FOXN3: variants seen among roughly 807,000 people sequenced by gnomAD.
FOXN3 encodes the protein forkhead box protein N3.
Under a neutral mutation model 38.4 loss-of-function variants are expected in FOXN3, and 7 were observed. The ratio of observed to expected loss-of-function variants is 0.18; its 90% CI spans 0.10 to 0.34. The LOEUF (loss-of-function observed/expected upper bound fraction) is 0.34. Ranked by LOEUF, FOXN3 falls within the 10% of genes least tolerant of loss-of-function variation. The pLI is 1.00. For synonymous variants in FOXN3, 230 were observed against 242.2 expected, an observed-to-expected ratio of 0.95 and a Z score of 0.47; for missense variants, 456 against 613.4, an observed-to-expected ratio of 0.74 and a Z score of 2.71.
At chr14:89,187,917 C>T (rs911858710) in intron 4 of FOXN3, among the ~76,000 whole-genome samples, 16 of 152,148 alleles carry the variant, frequency 1.1e-4, no homozygotes, top group African/African-American at 3.9e-4. Context: ...CCAGGGCTGG[C>T]GGTCAGATGG....
intron 4 of FOXN3, among the ~76,000 whole-genome samples, chr14:89,239,814 C>T (rs1566936588): frequency 6.6e-6 from 1 of 152,152 alleles, no homozygotes; most frequent in Non-Finnish European, 1.5e-5. Flanking sequence ...TCTTCTATTG[C>T]TCACAACCAC....
rs55935162 is a variant in FOXN3, at chr14:89,528,376, C to CTTTTTTTTTTTTTTTTTTTTTT, written c.-15+90630_-15+90651dup. Among the ~76,000 whole-genome samples the CTTTTTTTTTTTTTTTTTTTTTT allele has an allele frequency of 9.3e-5, 5 of 53,550 alleles. 2 individuals carry two copies. Among genetic ancestry groups the CTTTTTTTTTTTTTTTTTTTTTT allele is most frequent in the Non-Finnish European group, 1.4e-4 (4 of 29,538 alleles). The allele number at this position is 53,550 out of a possible 152,430, so 35.1% of individuals were successfully genotyped here. ...TCATCCATACTCAACATGGATGAATCTTTTTTTTTTTTTTTTTTTTTTTTT... is the reference window on the plus strand; with the variant it reads ...TCATCCATACTCAACATGGATGAATCTTTTTTTTTTTTTTTTTTTTTTTTTTTTTTTTTTTTTTTTTTTTTTT... On this transcript the variant is annotated intron_variant, in intron 1 of 6. Coordinates refer to the FOXN3 transcript ENST00000345097.
At chr14:89,474,294 G>C (rs1893165898) in intron 1 of FOXN3, among the ~76,000 whole-genome samples, 1 of 152,168 alleles carries the variant, frequency 6.6e-6, no homozygotes, top group Admixed American at 6.5e-5. Flanking sequence ...GAAATAAACA[G>C]GGGGAAAAAG....
chr14:89,377,394 T>C (rs1179407526), intron 2 of FOXN3, among the ~76,000 whole-genome samples: 5 of 152,150 alleles, frequency 3.3e-5, no homozygotes, highest in Non-Finnish European at 5.9e-5. Context: ...ATGACAGACA[T>C]CGAACTGAAT....
chr14:89,534,432 C>T (rs983125282), intron 1 of FOXN3, among the ~76,000 whole-genome samples: 3 of 152,008 alleles, frequency 2.0e-5, no homozygotes, highest in South Asian at 2.1e-4. Context: ...GAAAAACTTT[C>T]AAGACTCATT....
chr14:89,440,752 G>A (rs1424693406), intron 1 of FOXN3, among the ~76,000 whole-genome samples: 1 of 152,154 alleles, frequency 6.6e-6, no homozygotes, highest in Non-Finnish European at 1.5e-5. Context: ...AAACAGCCTT[G>A]TTGCTCACAC....
At chr14:89,298,472 TAAAAA>T (rs55856005) in intron 3 of FOXN3, among the ~76,000 whole-genome samples, 365 of 123,564 alleles carry the variant, frequency 3.0e-3, no homozygotes, top group African/African-American at 0.011. Context: ...TCCGTCTATT[TAAAAA>T]AAAAAAAAAA....
chr14:89,245,016 C>T (rs1045006022), intron 4 of FOXN3, among the ~76,000 whole-genome samples: 6 of 152,182 alleles, frequency 3.9e-5, no homozygotes, highest in Non-Finnish European at 5.9e-5. Context: ...AACAAAGATA[C>T]ATACTGTCAG....
At chr14:89,508,642 G>A (rs1893997579) in intron 1 of FOXN3, among the ~76,000 whole-genome samples, 1 of 152,100 alleles carries the variant, frequency 6.6e-6, no homozygotes, top group African/African-American at 2.4e-5. Context: ...CATGTTTTGA[G>A]CAGCCCCCAG....
At chr14:89,590,138 ATT>A (rs35116192) in intron 1 of FOXN3, among the ~76,000 whole-genome samples, 2 of 150,268 alleles carry the variant, frequency 1.3e-5, no homozygotes, top group African/African-American at 4.9e-5. Context: ...AATAGAGAAC[ATT>A]TTTTTTTTAA....
At chr14:89,348,661 T>C (rs1331543335) in intron 3 of FOXN3, among the ~76,000 whole-genome samples, 5 of 152,132 alleles carry the variant, frequency 3.3e-5, no homozygotes, top group Non-Finnish European at 7.4e-5. Context: ...AAACTGGTTT[T>C]TTTTCCCCCC....
intron 1 of FOXN3, among the ~76,000 whole-genome samples, chr14:89,414,803 G>A (rs1028711277): frequency 8.6e-5 from 13 of 151,974 alleles, no homozygotes; most frequent in South Asian, 2.1e-4. Flanking sequence ...CACCCGCCTC[G>A]GCCTCCCAAA....
chr14:89,271,701 T>G (rs1415912550), intron 4 of FOXN3, among the ~76,000 whole-genome samples: 1 of 152,216 alleles, frequency 6.6e-6, no homozygotes, highest in Non-Finnish European at 1.5e-5. Flanking sequence ...GTGAACTGTG[T>G]AGGAACGAGG....
intron 1 of FOXN3, among the ~76,000 whole-genome samples, chr14:89,560,318 CATATCATGA>C (rs1183681914): frequency 6.6e-6 from 1 of 152,138 alleles, no homozygotes; most frequent in Non-Finnish European, 1.5e-5. Flanking sequence ...AGAGAAAAAC[CATATCATGA>C]ACACAGGCAA....
chr14:89,288,435 C>T (rs886086894), intron 3 of FOXN3, among the ~76,000 whole-genome samples: 1 of 152,114 alleles, frequency 6.6e-6, no homozygotes, highest in South Asian at 2.1e-4. Context: ...GTGGCAGCTG[C>T]TCTGGCACCA....
At chr14:89,354,595 CT>C (rs2140014784) in intron 2 of FOXN3, among the ~76,000 whole-genome samples, 2 of 149,496 alleles carry the variant, frequency 1.3e-5, no homozygotes, top group East Asian at 4.0e-4. Flanking sequence ...TGGCTCATGC[CT>C]GTAATCCCAG....
chr14:89,517,675 G>A lies in FOXN3; in HGVS notation c.-15+101353C>T, dbSNP rs1482161464. Among the ~76,000 whole-genome samples the A allele has an allele frequency of 2.0e-5, 3 of 152,180 alleles. No homozygotes were observed. The East Asian group carries it at 5.8e-4, about 29-fold the overall frequency. On this transcript the variant is annotated intron_variant, in intron 1 of 6. Transcript: ENST00000345097. ...GGATTACATTTGACATGAGATTTGGGTTGGGACATAGATCCAAATCATATC... is the reference window on the plus strand; with the variant it reads ...GGATTACATTTGACATGAGATTTGGATTGGGACATAGATCCAAATCATATC...
chr14:89,596,765 A>G (rs1265367496), intron 1 of FOXN3, among the ~76,000 whole-genome samples: 1 of 152,192 alleles, frequency 6.6e-6, no homozygotes, highest in Admixed American at 6.5e-5. Flanking sequence ...GCATTTTAAA[A>G]TTTTTGTCCA....
intron 4 of FOXN3, among the ~76,000 whole-genome samples, chr14:89,205,144 T>C (rs904510952): frequency 2.6e-5 from 4 of 151,524 alleles, no homozygotes; most frequent in Admixed American, 6.6e-5. Context: ...TTTGAATGTG[T>C]TTGATTTAAA....
Sources: gnomAD v4.1 joint callset for allele counts (sites outside exome capture counted in the v4.1 genomes callset) on GRCh38, gnomAD v4.1.1 for gene constraint, MANE v1.5 for transcripts, NCBI Gene and HGNC (gene_info 2026-07-23, HGNC 2026-07-21) for gene names.